PAFAH1B1: variants seen among roughly 807,000 people sequenced by gnomAD.
PAFAH1B1 encodes the protein platelet activating factor acetylhydrolase 1b regulatory subunit 1, also known as platelet-activating factor acetylhydrolase IB subunit beta.
PAFAH1B1 carries 2 observed loss-of-function variants against 57.5 expected under a neutral mutation model. The observed-to-expected ratio is 0.03, with a 90% CI of 0.01 to 0.11. The LOEUF (loss-of-function observed/expected upper bound fraction) is 0.11. Among genes scored for constraint, PAFAH1B1 ranks in the 10% least tolerant of loss-of-function variants. PAFAH1B1 has a pLI of 1.00. For missense variants in PAFAH1B1, 257 were observed against 512.0 expected, an observed-to-expected ratio of 0.50 and a Z score of 4.81; for synonymous variants, 152 against 169.6, an observed-to-expected ratio of 0.90 and a Z score of 0.81.
intron 2 of PAFAH1B1, among the ~76,000 whole-genome samples, chr17:2,652,150 G>C (rs151116779): frequency 2.0e-5 from 1 of 50,440 alleles, no homozygotes; most frequent in Admixed American, 2.8e-4. Flanking sequence ...AGTGGCTCAC[G>C]CCTGTAATCC....
intron 2 of PAFAH1B1, among the ~76,000 whole-genome samples, chr17:2,650,477 A>C (rs1441925509): frequency 8.7e-5 from 13 of 150,268 alleles, no homozygotes; most frequent in African/African-American, 3.2e-4. Context: ...GCACCACTGC[A>C]CTCCAGCCTG....
chr17:2,649,679 T>A (rs2068822831), intron 2 of PAFAH1B1, among the ~76,000 whole-genome samples: 1 of 152,178 alleles, frequency 6.6e-6, no homozygotes, highest in Non-Finnish European at 1.5e-5. Context: ...TCACAACTCT[T>A]AAAATAATAA....
chr17:2,669,027 TC>T (rs2069145274), intron 5 of PAFAH1B1, among the ~76,000 whole-genome samples: 1 of 151,936 alleles, frequency 6.6e-6, no homozygotes, highest in African/African-American at 2.4e-5. Flanking sequence ...AAATAAGAAT[TC>T]CCAGTGATGA....
At chr17:2,653,406 A>G (rs1054336976) in intron 2 of PAFAH1B1, among the ~76,000 whole-genome samples, 6 of 146,704 alleles carry the variant, frequency 4.1e-5, no homozygotes, top group African/African-American at 1.5e-4. Context: ...GTACCCTAGA[A>G]CTTAAAAGTA....
chr17:2,649,174 G>A (rs1206155749), intron 2 of PAFAH1B1, among the ~76,000 whole-genome samples: 1 of 148,428 alleles, frequency 6.7e-6, no homozygotes, highest in Non-Finnish European at 1.5e-5. Flanking sequence ...GCGAGATCAT[G>A]CCACTGCACT....
chr17:2,654,832 G>C lies in PAFAH1B1; in HGVS notation c.33-10540G>C, dbSNP rs535404006. Among the ~76,000 whole-genome samples, 423 of 150,840 alleles carry C rather than the reference G, an allele frequency of 2.8e-3. 2 individuals are homozygous for C. The highest frequency in any genetic ancestry group is 9.8e-3 in the African/African-American group (404 of 41,104). Reference sequence around the variant, plus strand: ...AATTTTTCTATTTTTTATAGAGACAGATTTTTGCCATGTTGCCCAGGCTGG... The same window carrying C: ...AATTTTTCTATTTTTTATAGAGACACATTTTTGCCATGTTGCCCAGGCTGG... On this transcript the variant is annotated intron_variant, in intron 2 of 10. Coordinates refer to ENST00000397195, the MANE Select transcript of PAFAH1B1 (RefSeq NM_000430.4).
intron 3 of PAFAH1B1, 46 bp downstream of exon 3, chr17:2,665,502 T>A: frequency 1.7e-5 from 19 of 1,087,664 alleles, no homozygotes; most frequent in Non-Finnish European, 2.3e-5. Context: ...ATGAGTGGAT[T>A]TTCACTCAAG....
chr17:2,660,927 T>C (rs1290753786), intron 2 of PAFAH1B1, among the ~76,000 whole-genome samples: 1 of 152,186 alleles, frequency 6.6e-6, no homozygotes, highest in East Asian at 1.9e-4. Flanking sequence ...TTTCTTGACT[T>C]TATAATAATC....
At position 2,683,751 on chromosome 17, in the gene PAFAH1B1, A is replaced by G. The variant is rs902993187; in HGVS notation, c.*1949A>G. 3 of 152,602 alleles carry G rather than the reference A, an allele frequency of 2.0e-5. No individual in the cohort carries two copies. Among genetic ancestry groups the G allele is most frequent in the Non-Finnish European group, 2.9e-5 (2 of 68,026 alleles). 9.5% of individuals were successfully genotyped at this position (152,602 alleles called of 1,614,324 possible). A position where few individuals can be genotyped will look rare whatever the true frequency, so the allele number is the denominator to read the frequency against. Reference sequence around the variant, plus strand: ...TTACATTGAAAAGTCTTTTTCCCTTAGCTCTTCTGACTGGATTTTTCTACA... The same window carrying G: ...TTACATTGAAAAGTCTTTTTCCCTTGGCTCTTCTGACTGGATTTTTCTACA... On this transcript the variant is annotated 3_prime_UTR_variant, in exon 11 of 11. Transcript: ENST00000397195.
chr17:2,670,084 A>ACTGGCCTGCTGAGTGCAAATGTGAAACGT, intron 5 of PAFAH1B1, 79 bp from the exon 6 acceptor site: 3 of 1,154,744 alleles, frequency 2.6e-6, no homozygotes, highest in Non-Finnish European at 3.9e-6. Context: ...AAGGTGCCAG[A>ACTGGCCTGCTGAGTGCAAATGTGAAACGT]CTGGCCTGCT....
Position 2,617,626 on chromosome 17 carries a change from CAGTG to C in PAFAH1B1, c.-190-20472_-190-20469del, listed in dbSNP as rs2068362211. 3.3e-5 allele frequency among the ~76,000 whole-genome samples: 5 copies of C among 152,220 alleles called. 1 individual carries two copies. The South Asian group carries it at 1.0e-3, about 32-fold the overall frequency. On this transcript the variant is annotated intron_variant, in intron 1 of 10. Transcript: ENST00000397195. ...ATAAGAAGTAGACGTGTTAAAGTCTCAGTGTTTGAGGCCAGGCATGGTGGCTCAC... is the reference window on the plus strand; with the variant it reads ...ATAAGAAGTAGACGTGTTAAAGTCTCTTTGAGGCCAGGCATGGTGGCTCAC...
At position 2,670,273 on chromosome 17, in the gene PAFAH1B1, A is replaced by G. The variant is rs1461891476; in HGVS notation, c.510A>G (p.Ala170=). 3 of 1,614,080 alleles carry G rather than the reference A, an allele frequency of 1.9e-6. No homozygotes were observed. The highest frequency in any genetic ancestry group is 2.5e-6 in the Non-Finnish European group (3 of 1,180,018). ...GCAAGCTTCTGGCTTCCTGTTCTGCAGATATGACCATTAAACTATGGGATT... is the reference window on the plus strand; with the variant it reads ...GCAAGCTTCTGGCTTCCTGTTCTGCGGATATGACCATTAAACTATGGGATT... ...HSGKLLASCS[A]DMTIKLWDFQ... is the part of the protein sequence containing the mutation. The change falls in exon 6 of 11, where the codon GCA becomes GCG. Residue 170 remains alanine, a synonymous_variant. Coordinates refer to ENST00000397195, the MANE Select transcript of PAFAH1B1 (RefSeq NM_000430.4).
intron 6 of PAFAH1B1, among the ~76,000 whole-genome samples, chr17:2,672,006 A>G (rs1197805523): frequency 6.6e-6 from 1 of 152,054 alleles, no homozygotes; most frequent in Non-Finnish European, 1.5e-5. Context: ...AGTGGCTCAC[A>G]CCTATAATCT....
chr17:2,682,937 A>G lies in PAFAH1B1; in HGVS notation c.*1135A>G, dbSNP rs1488927379. 1.3e-5 allele frequency: 2 copies of G among 152,652 alleles called. No individual in the cohort carries two copies. The highest frequency in any genetic ancestry group is 2.9e-5 in the Non-Finnish European group (2 of 68,040). The allele number at this position is 152,652 out of a possible 1,614,324, so 9.5% of individuals were successfully genotyped here. ...TATATGGGCCTATCTGTAAGTGGAT[A>G]AGTCTGTATGTGTGTATCATACACA... is the stretch of plus-strand genomic sequence containing the variant. On this transcript the variant is annotated 3_prime_UTR_variant, in exon 11 of 11. Transcript: ENST00000397195.
intron 1 of PAFAH1B1, among the ~76,000 whole-genome samples, chr17:2,603,852 C>T (rs1246099773): frequency 2.0e-5 from 3 of 149,892 alleles, no homozygotes; most frequent in African/African-American, 4.9e-5. Context: ...GTGCTTCTGC[C>T]TCAGCCTCCT....
chr17:2,679,906 G>A, intron 9 of PAFAH1B1: 1 of 479,602 alleles, frequency 2.1e-6, no homozygotes, highest in Non-Finnish European at 3.7e-6. Context: ...TACATATTGA[G>A]ATTTGTTCTT....
At chr17:2,671,219 T>A (rs2069175440) in intron 6 of PAFAH1B1, among the ~76,000 whole-genome samples, 1 of 152,174 alleles carries the variant, frequency 6.6e-6, no homozygotes, top group Non-Finnish European at 1.5e-5. Flanking sequence ...TTTGGTTGTT[T>A]TTTTTTTGAG....
At chr17:2,618,242 CTG>C (rs1157983635) in intron 1 of PAFAH1B1, among the ~76,000 whole-genome samples, 1 of 151,944 alleles carries the variant, frequency 6.6e-6, no homozygotes, top group African/African-American at 2.4e-5. Context: ...GAGCAAGACT[CTG>C]TCTCAAACAA....
At chr17:2,599,945 A>ACAGTGCAG (rs1490062454) in intron 1 of PAFAH1B1, among the ~76,000 whole-genome samples, 2 of 149,728 alleles carry the variant, frequency 1.3e-5, no homozygotes, top group Non-Finnish European at 1.5e-5. Flanking sequence ...TTAAAATTTT[A>ACAGTGCAG]CAGTGCAGAT....
Sources: gnomAD v4.1 joint callset for allele counts (sites outside exome capture counted in the v4.1 genomes callset) on GRCh38, gnomAD v4.1.1 for gene constraint, MANE v1.5 for transcripts, NCBI Gene and HGNC (gene_info 2026-07-23, HGNC 2026-07-21) for gene names.